FNDC3A: variants seen among roughly 807,000 people sequenced by gnomAD.
The protein encoded by FNDC3A is fibronectin type III domain containing 3A.
Under a neutral mutation model 148.9 loss-of-function variants are expected in FNDC3A, and 32 were observed. The ratio of observed to expected loss-of-function variants is 0.21; its 90% CI spans 0.16 to 0.29. FNDC3A has a LOEUF of 0.29. Ranked by LOEUF, FNDC3A falls within the 10% of genes least tolerant of loss-of-function variation. The probability of loss-of-function intolerance (pLI) is 1.00; values close to 1 mark genes in which losing one functional copy is unlikely to be tolerated. For missense variants in FNDC3A, 1,191 were observed against 1,452.8 expected, an observed-to-expected ratio of 0.82 and a Z score of 2.93; for synonymous variants, 472 against 473.6, an observed-to-expected ratio of 1.00 and a Z score of 0.04.
At chr13:49,029,778 G>A (rs554225887) in intron 2 of FNDC3A, among the ~76,000 whole-genome samples, 1 of 152,226 alleles carries the variant, frequency 6.6e-6, no homozygotes, top group South Asian at 2.1e-4. Flanking sequence ...TGAGAGAGTA[G>A]ACATTACTAC....
chr13:49,148,793 A>C (rs1490065672), intron 8 of FNDC3A, among the ~76,000 whole-genome samples: 1 of 152,184 alleles, frequency 6.6e-6, no homozygotes, highest in South Asian at 2.1e-4. Flanking sequence ...TGCTTTGGAC[A>C]GTATGTTCAT....
rs544569270 is a variant in FNDC3A at position 49,155,224 on chromosome 13, C to G, written c.977+9289C>G. On this transcript the variant is annotated intron_variant, in intron 8 of 25. Transcript: ENST00000492622. The stretch of plus-strand genomic sequence containing the variant: ...TGTTATTGGTCTATTCAGGGATTCA[C>G]CTTCTTCCTGGTTTAGTCTTGGGAG... Among the ~76,000 whole-genome samples, 85 of 152,236 alleles carry G rather than the reference C, an allele frequency of 5.6e-4. 1 individual carries two copies. Among genetic ancestry groups the G allele is most frequent in the Non-Finnish European group, 7.5e-4 (51 of 68,028 alleles).
At chr13:49,175,310 G>T (rs981000861) in intron 12 of FNDC3A, 57 bp from the exon 13 acceptor site, 63 of 1,266,416 alleles carry the variant, frequency 5.0e-5, no homozygotes, top group African/African-American at 1.7e-4. Flanking sequence ...TCACAAACTT[G>T]TTCTTTCACT....
chr13:49,197,653 A>C, intron 20 of FNDC3A, 72 bp from the exon 21 acceptor site: 1 of 1,307,386 alleles, frequency 7.6e-7, no homozygotes, highest in Non-Finnish European at 1.1e-6. Context: ...TGCTCAGGTA[A>C]AGAGCATTTT....
At chr13:49,159,969 A>T (rs1031393039) in intron 8 of FNDC3A, among the ~76,000 whole-genome samples, 5 of 152,184 alleles carry the variant, frequency 3.3e-5, no homozygotes, top group Admixed American at 6.5e-5. Flanking sequence ...GGATGAAGCC[A>T]ACTTGATCAT....
intron 1 of FNDC3A, among the ~76,000 whole-genome samples, chr13:48,992,709 G>A (rs781185505): frequency 6.6e-6 from 1 of 152,124 alleles, no homozygotes; most frequent in Non-Finnish European, 1.5e-5. Flanking sequence ...TTTGATATAT[G>A]TCAGTTATAC....
At chr13:49,026,662 C>T (rs1873737713) in intron 2 of FNDC3A, among the ~76,000 whole-genome samples, 1 of 152,108 alleles carries the variant, frequency 6.6e-6, no homozygotes, top group Non-Finnish European at 1.5e-5. Flanking sequence ...TGCCACCACA[C>T]CCAGCTAATT....
chr13:49,101,733 T>C (rs1458880622), intron 3 of FNDC3A, among the ~76,000 whole-genome samples: 2 of 152,122 alleles, frequency 1.3e-5, no homozygotes, highest in Non-Finnish European at 2.9e-5. Context: ...AGTTGGACAT[T>C]TATGGATGCT....
At chr13:49,009,903 T>C (rs1044492217) in intron 2 of FNDC3A, among the ~76,000 whole-genome samples, 4 of 152,260 alleles carry the variant, frequency 2.6e-5, no homozygotes, top group African/African-American at 7.2e-5. Flanking sequence ...ACCTTCTTGA[T>C]TGCATTAATC....
chr13:49,206,291 A>G (rs1886639078), intron 25 of FNDC3A, among the ~76,000 whole-genome samples: 1 of 152,006 alleles, frequency 6.6e-6, no homozygotes, highest in African/African-American at 2.4e-5. Context: ...GTGAAGTGGT[A>G]GAGCAGACCT....
intron 2 of FNDC3A, among the ~76,000 whole-genome samples, chr13:49,013,765 A>C: frequency 9.7e-6 from 1 of 102,710 alleles, no homozygotes; most frequent in Admixed American, 1.2e-4. Context: ...ACCCCACAAC[A>C]GTCCCCAGAG....
At chr13:49,161,243 G>T (rs1300116088) in intron 8 of FNDC3A, among the ~76,000 whole-genome samples, 25 of 152,282 alleles carry the variant, frequency 1.6e-4, no homozygotes, top group Middle Eastern at 3.4e-3. Context: ...CATTATTAAT[G>T]TGTGGGAGTC....
chr13:49,136,378 T>C lies in FNDC3A; in HGVS notation c.537T>C (p.Ser179=). 6.2e-7 allele frequency: 1 copy of C among 1,614,074 alleles called. No individual in the cohort carries two copies. The highest frequency in any genetic ancestry group is 8.5e-7 in the Non-Finnish European group (1 of 1,179,928). Residue 179 remains serine (S), a synonymous_variant, in exon 6 of 26, where the codon TCT becomes TCC. Transcript: ENST00000492622. ...GGTCCAACTTTAGAGATGAACGATCTAGTAAAACATATGAACGTTTGCAGA... is the reference window on the plus strand; with the variant it reads ...GGTCCAACTTTAGAGATGAACGATCCAGTAAAACATATGAACGTTTGCAGA... The part of the protein sequence containing the change: ...HGRSNFRDER[S]SKTYERLQKK...
intron 1 of FNDC3A, among the ~76,000 whole-genome samples, chr13:49,001,026 G>A (rs561618538): frequency 2.6e-5 from 4 of 151,882 alleles, no homozygotes; most frequent in African/African-American, 9.7e-5. Context: ...TATTGTCTGT[G>A]AACAGAGGTA....
chr13:48,992,577 A>G (rs866590016), intron 1 of FNDC3A, among the ~76,000 whole-genome samples: 1 of 152,160 alleles, frequency 6.6e-6, no homozygotes, highest in African/African-American at 2.4e-5. Context: ...CCAGTTTACA[A>G]ATGGTTAGTA....
intron 1 of FNDC3A, among the ~76,000 whole-genome samples, chr13:48,987,132 A>G (rs1021402160): frequency 1.3e-5 from 2 of 152,244 alleles, no homozygotes; most frequent in Admixed American, 6.5e-5. Context: ...TTTATATAAT[A>G]CTTCTAAAAA....
At chr13:49,106,574 G>A (rs1384344655) in intron 3 of FNDC3A, among the ~76,000 whole-genome samples, 1 of 152,144 alleles carries the variant, frequency 6.6e-6, no homozygotes, top group Non-Finnish European at 1.5e-5. Context: ...GCTTCCCAAA[G>A]TGCCGGCATT....
chr13:49,045,754 A>AT, intron 2 of FNDC3A: 1 of 647,770 alleles, frequency 1.5e-6, no homozygotes, highest in South Asian at 2.0e-5. Context: ...CTTTGTTTTG[A>AT]TTTTGACAGC....
chr13:49,097,342 G>T (rs534152248), intron 3 of FNDC3A, among the ~76,000 whole-genome samples: 1 of 151,604 alleles, frequency 6.6e-6, no homozygotes, highest in African/African-American at 2.4e-5. Flanking sequence ...TAGAATGAGG[G>T]AAAGCCCTTG....
Sources: gnomAD v4.1 joint callset for allele counts (sites outside exome capture counted in the v4.1 genomes callset) on GRCh38, gnomAD v4.1.1 for gene constraint, MANE v1.5 for transcripts, NCBI Gene and HGNC (gene_info 2026-07-23, HGNC 2026-07-21) for gene names.